The following SLC39A12 variants were observed in gnomAD, a reference collection of about 807,000 sequenced individuals.
SLC39A12 encodes the protein zinc transporter ZIP12.
In SLC39A12, 63 loss-of-function variants were observed where a neutral mutation model predicts 71.1. The ratio of observed to expected loss-of-function variants is 0.89; its 90% confidence interval spans 0.72 to 1.09. The LOEUF (loss-of-function observed/expected upper bound fraction) is 1.09. Ranked by LOEUF, SLC39A12 falls within the 50% of genes least tolerant of loss-of-function variation. The pLI is 0.00. For missense variants in SLC39A12, 892 were observed against 812.6 expected (o/e 1.10, Z -1.19); for synonymous variants, 351 against 301.3 (o/e 1.16, Z -1.71).
intron 4 of SLC39A12, among the ~76,000 whole-genome samples, chr10:17,970,674 T>TTGTGTGTGTG (rs61528284): frequency 1.4e-5 from 2 of 145,422 alleles, no homozygotes; most frequent in African/African-American, 5.1e-5. Context: ...TTCTAATAGT[T>TTGTGTGTGTG]TGTGTGTGTG....
At chr10:17,992,774 T>G (rs745570714) in intron 8 of SLC39A12, among the ~76,000 whole-genome samples, 13 of 152,182 alleles carry the variant, frequency 8.5e-5, no homozygotes, top group Non-Finnish European at 1.8e-4. Context: ...ATTCCAAGAT[T>G]TATGATATTG....
In SLC39A12 at chr10:17,986,757, A is replaced by G. The variant is rs548337026; in HGVS notation, c.1097-722A>G. Among the ~76,000 whole-genome samples, 7 of 152,336 alleles carry G rather than the reference A, an allele frequency of 4.6e-5. 1 individual carries two copies. The South Asian group carries it at 8.3e-4, about 18-fold the overall frequency. On this transcript the variant is annotated intron_variant, in intron 6 of 12. Coordinates refer to ENST00000377369, the MANE Select transcript of SLC39A12 (RefSeq NM_001145195.2). ...TGCTGTGGCTTATGCCTGTAATCCC[A>G]TCACTTTGGGAGGTGAAGCAGGAGG...
At chr10:17,963,557 C>A (rs1421100931) in intron 3 of SLC39A12, among the ~76,000 whole-genome samples, 4 of 152,210 alleles carry the variant, frequency 2.6e-5, no homozygotes, top group Non-Finnish European at 5.9e-5. Flanking sequence ...CTTTGCTACA[C>A]CTCAGGCCAG....
chr10:17,961,597 C>T lies in SLC39A12; in HGVS notation c.278C>T (p.Ala93Val), dbSNP rs781842658. The change falls in exon 3 of 13, where the codon GCA becomes GTA. Residue 93 changes from alanine (A) to valine (V), a missense_variant. By Grantham distance (64) the Ala-to-Val change is moderately conservative. Transcript: ENST00000377369. Reference protein sequence around the residue: ...GDCNLCFEPDALLLIAGGNFE... With the variant: ...GDCNLCFEPDVLLLIAGGNFE... ...CTTCCACAGTGCTTTGAACCAGATG[C>T]ACTATTACTAATAGCTGGAGGAAAT... 4 of 1,612,462 alleles carry T rather than the reference C, an allele frequency of 2.5e-6. No homozygotes were observed. The highest frequency in any genetic ancestry group is 2.2e-5 in the South Asian group (2 of 90,620).
At chr10:17,989,824 A>G (rs997851652) in intron 7 of SLC39A12, among the ~76,000 whole-genome samples, 2 of 152,086 alleles carry the variant, frequency 1.3e-5, no homozygotes, top group East Asian at 3.9e-4. Flanking sequence ...AGGCTGAGGC[A>G]GGAGAATCGC....
intron 7 of SLC39A12, among the ~76,000 whole-genome samples, chr10:17,989,929 G>A (rs1181000399): frequency 6.6e-6 from 1 of 152,028 alleles, no homozygotes; most frequent in Non-Finnish European, 1.5e-5. Flanking sequence ...AAAAAGAGAC[G>A]AGGACGAAAG....
At chr10:17,971,013 G>T (rs1432036423) in intron 4 of SLC39A12, among the ~76,000 whole-genome samples, 1 of 151,824 alleles carries the variant, frequency 6.6e-6, no homozygotes, top group Non-Finnish European at 1.5e-5. Context: ...ATCATGAAAG[G>T]ATGTTGAATT....
chr10:17,967,557 T>C (rs939413405), intron 4 of SLC39A12, among the ~76,000 whole-genome samples: 8 of 152,122 alleles, frequency 5.3e-5, no homozygotes, highest in Non-Finnish European at 1.0e-4. Context: ...TGGCCATGCA[T>C]CCTTCAAAAC....
intron 10 of SLC39A12, among the ~76,000 whole-genome samples, chr10:17,997,415 A>G (rs1349934760): frequency 1.3e-5 from 2 of 152,214 alleles, no homozygotes; most frequent in African/African-American, 4.8e-5. Flanking sequence ...GAACATTGCT[A>G]GTAATATTTT....
intron 12 of SLC39A12, among the ~76,000 whole-genome samples, chr10:18,035,007 C>T (rs1419256269): frequency 1.4e-3 from 212 of 150,090 alleles, no homozygotes; most frequent in South Asian, 7.8e-3. Context: ...GGGTTTCTGC[C>T]GAGAGATCCG....
chr10:17,966,456 G>C (rs1290588887), intron 4 of SLC39A12, among the ~76,000 whole-genome samples: 2 of 151,940 alleles, frequency 1.3e-5, no homozygotes, highest in African/African-American at 4.8e-5. Flanking sequence ...AACTACAGCT[G>C]TGTGTCACCA....
intron 10 of SLC39A12, among the ~76,000 whole-genome samples, chr10:17,999,324 C>G (rs370748606): frequency 1.1e-4 from 14 of 132,498 alleles, no homozygotes; most frequent in South Asian, 2.3e-4. Context: ...AAAAAGGAAG[C>G]ATTATGCATT....
intron 12 of SLC39A12, among the ~76,000 whole-genome samples, chr10:18,015,926 TC>T (rs1165388249): frequency 5.9e-5 from 9 of 152,190 alleles, no homozygotes; most frequent in African/African-American, 2.2e-4. Context: ...GCAAAACTAC[TC>T]AGAAGGTACA....
At chr10:17,988,764 A>G (rs1835468123) in intron 7 of SLC39A12, among the ~76,000 whole-genome samples, 1 of 152,176 alleles carries the variant, frequency 6.6e-6, no homozygotes, top group Admixed American at 6.5e-5. Flanking sequence ...CGTCCGCTCT[A>G]GAAGTGGCTG....
intron 12 of SLC39A12, among the ~76,000 whole-genome samples, chr10:18,034,071 G>C (rs377158254): frequency 0.013 from 2,011 of 150,866 alleles, 47 homozygotes; most frequent in African/African-American, 0.047. Context: ...TTACTTCCAA[G>C]TATGTGGTCA....
At chr10:18,010,110 G>A (rs1262205735) in intron 12 of SLC39A12, among the ~76,000 whole-genome samples, 1 of 151,882 alleles carries the variant, frequency 6.6e-6, no homozygotes, top group Non-Finnish European at 1.5e-5. Context: ...TTTTTCTTGT[G>A]ATTTACTGAG....
chr10:17,970,943 A>G (rs116387657), intron 4 of SLC39A12, among the ~76,000 whole-genome samples: 2,063 of 152,188 alleles, frequency 0.014, 41 homozygotes, highest in African/African-American at 0.043. Flanking sequence ...TGAGTCTAAT[A>G]TATATAGCTT....
intron 12 of SLC39A12, among the ~76,000 whole-genome samples, chr10:18,015,519 G>T (rs896533735): frequency 3.9e-5 from 6 of 152,086 alleles, no homozygotes; most frequent in African/African-American, 1.4e-4. Context: ...TGTAGAAAGT[G>T]CTTGGACTAA....
At chr10:17,986,524 C>T (rs1835402281) in intron 6 of SLC39A12, among the ~76,000 whole-genome samples, 1 of 152,104 alleles carries the variant, frequency 6.6e-6, no homozygotes, top group African/African-American at 2.4e-5. Context: ...CCTGTAAAGA[C>T]CCTAATCCCA....
Sources: gnomAD v4.1 joint callset for allele counts (sites outside exome capture counted in the v4.1 genomes callset) on GRCh38, gnomAD v4.1.1 for gene constraint, MANE v1.5 for transcripts, NCBI Gene and HGNC (gene_info 2026-07-23, HGNC 2026-07-21) for gene names.